OTOGL: variants seen among roughly 807,000 people sequenced by gnomAD.
The protein encoded by OTOGL is otogelin-like protein.
In OTOGL, 285 loss-of-function variants were observed where a neutral mutation model predicts 318.5. That is an observed-to-expected ratio of 0.89 (90% CI 0.81 to 0.99). The LOEUF (loss-of-function observed/expected upper bound fraction) is 0.99, where lower values mean the gene tolerates loss of function less well. Ranked by LOEUF, OTOGL falls within the 50% of genes least tolerant of loss-of-function variation. The pLI is 0.00. For synonymous variants in OTOGL, 987 were observed against 936.5 expected (o/e 1.05, Z -0.99); for missense variants, 2,899 against 2,845.6 (o/e 1.02, Z -0.43).
intron 1 of OTOGL, among the ~76,000 whole-genome samples, chr12:80,205,770 T>C (rs1876767668): frequency 6.6e-6 from 1 of 152,238 alleles, no homozygotes; most frequent in African/African-American, 2.4e-5. Context: ...AAATGTTATC[T>C]ACTTTAAATT....
intron 4 of OTOGL, among the ~76,000 whole-genome samples, chr12:80,216,807 G>A (rs561245203): frequency 2.0e-5 from 3 of 152,090 alleles, no homozygotes; most frequent in Non-Finnish European, 4.4e-5. Context: ...CCACTACTCT[G>A]AACTACCTTG....
intron 1 of OTOGL, among the ~76,000 whole-genome samples, chr12:80,158,770 A>G (rs1037920760): frequency 1.3e-5 from 2 of 152,082 alleles, no homozygotes; most frequent in South Asian, 2.1e-4. Context: ...CGATCATATC[A>G]TCAGCAAACA....
At chr12:80,307,332 C>A (rs1404488895) in intron 29 of OTOGL, among the ~76,000 whole-genome samples, 1 of 151,900 alleles carries the variant, frequency 6.6e-6, no homozygotes, top group African/African-American at 2.4e-5. Flanking sequence ...GTACACCTCC[C>A]AGACGGGGTG....
intron 21 of OTOGL, 24 bp from the exon 22 acceptor site, chr12:80,267,229 T>C: frequency 2.1e-6 from 3 of 1,446,576 alleles, no homozygotes; most frequent in Non-Finnish European, 2.8e-6. Flanking sequence ...TGTATCCTAT[T>C]TACTTTACTT....
At chr12:80,299,335 A>G (rs999165843) in intron 27 of OTOGL, among the ~76,000 whole-genome samples, 3 of 152,214 alleles carry the variant, frequency 2.0e-5, no homozygotes, top group African/African-American at 4.8e-5. Flanking sequence ...ATGTTAAAAA[A>G]GAAACAAGAG....
At chr12:80,122,780 T>C (rs900477723) in intron 1 of OTOGL, among the ~76,000 whole-genome samples, 1 of 152,210 alleles carries the variant, frequency 6.6e-6, no homozygotes, top group African/African-American at 2.4e-5. Context: ...TCATTTTTCA[T>C]ATATGCTTTG....
intron 28 of OTOGL, among the ~76,000 whole-genome samples, chr12:80,303,829 C>T (rs1885933686): frequency 6.6e-6 from 1 of 152,142 alleles, no homozygotes; most frequent in Non-Finnish European, 1.5e-5. Context: ...AGGTCCTTCC[C>T]TCAACATATG....
intron 1 of OTOGL, among the ~76,000 whole-genome samples, chr12:80,100,271 A>C (rs1158852501): frequency 6.6e-6 from 1 of 152,208 alleles, no homozygotes; most frequent in Admixed American, 6.5e-5. Context: ...TAAAATATAC[A>C]GTAAATTATT....
chr12:80,136,749 T>A (rs79397512), intron 1 of OTOGL, among the ~76,000 whole-genome samples: 4,003 of 152,310 alleles, frequency 0.026, 62 homozygotes, highest in Non-Finnish European at 0.038. Context: ...TTCATCCTAT[T>A]CCAACCCTTC....
chr12:80,294,389 A>G (rs929862629), intron 26 of OTOGL, among the ~76,000 whole-genome samples: 1 of 152,182 alleles, frequency 6.6e-6, no homozygotes, highest in Non-Finnish European at 1.5e-5. Context: ...AAGCCTTTCA[A>G]TCAGCTTTTC....
chr12:80,231,707 T>A (rs1879372698), intron 8 of OTOGL, among the ~76,000 whole-genome samples: 1 of 152,108 alleles, frequency 6.6e-6, no homozygotes, highest in South Asian at 2.1e-4. Context: ...TGATTTCAGC[T>A]CACCACAACC....
intron 1 of OTOGL, among the ~76,000 whole-genome samples, chr12:80,179,379 A>G (rs1161163848): frequency 6.6e-6 from 1 of 152,174 alleles, no homozygotes; most frequent in Non-Finnish European, 1.5e-5. Flanking sequence ...ATCAGTCATT[A>G]TGGCTTTCTA....
intron 4 of OTOGL, among the ~76,000 whole-genome samples, chr12:80,213,967 G>C (rs559063854): frequency 1.4e-4 from 22 of 152,332 alleles, no homozygotes; most frequent in African/African-American, 5.3e-4. Context: ...AATGAGGTGA[G>C]CAAGAAAGGG....
intron 1 of OTOGL, among the ~76,000 whole-genome samples, chr12:80,139,448 T>G (rs1871786894): frequency 6.6e-6 from 1 of 152,206 alleles, no homozygotes; most frequent in Non-Finnish European, 1.5e-5. Flanking sequence ...ATGGCACAAC[T>G]TCATTTTTTG....
At chr12:80,280,163 CTTGT>C (rs1368064312) in intron 26 of OTOGL, among the ~76,000 whole-genome samples, 3 of 150,972 alleles carry the variant, frequency 2.0e-5, no homozygotes, top group Non-Finnish European at 4.5e-5. Context: ...TACTTATTGA[CTTGT>C]TTAAGTTCCT....
intron 1 of OTOGL, among the ~76,000 whole-genome samples, chr12:80,158,692 A>G (rs1873292625): frequency 2.0e-5 from 3 of 152,016 alleles, no homozygotes; most frequent in Non-Finnish European, 2.9e-5. Flanking sequence ...TGTATCCTGA[A>G]ACTTTTCTGA....
intron 1 of OTOGL, among the ~76,000 whole-genome samples, chr12:80,163,414 G>A (rs1873646020): frequency 2.0e-5 from 3 of 152,096 alleles, no homozygotes; most frequent in African/African-American, 7.2e-5. Flanking sequence ...CATTGTAGGA[G>A]AAATTCAGTC....
chr12:80,204,941 C>A (rs1876708911), intron 1 of OTOGL, among the ~76,000 whole-genome samples: 1 of 151,942 alleles, frequency 6.6e-6, no homozygotes, highest in South Asian at 2.1e-4. Flanking sequence ...TAAAGGATTC[C>A]CATATAAAAT....
intron 4 of OTOGL, among the ~76,000 whole-genome samples, chr12:80,213,355 T>G (rs1877418665): frequency 6.6e-6 from 1 of 152,146 alleles, no homozygotes; most frequent in African/African-American, 2.4e-5. Flanking sequence ...GCCATCTTGG[T>G]TTTGGCAGGA....
Sources: allele counts gnomAD v4.1 joint callset (sites outside exome capture counted in the v4.1 genomes callset), GRCh38; gene constraint gnomAD v4.1.1; transcripts MANE v1.5; gene names NCBI Gene and HGNC (gene_info 2026-07-23, HGNC 2026-07-21).